The following FOXP1 variants were observed in gnomAD, a reference collection of about 807,000 sequenced individuals.
FOXP1 encodes the protein forkhead box protein P1.
In FOXP1, 15 loss-of-function variants were observed where a neutral mutation model predicts 98.2. The observed-to-expected ratio is 0.15, with a 90% CI of 0.10 to 0.24. The LOEUF (loss-of-function observed/expected upper bound fraction) is 0.24, where lower values mean the gene tolerates loss of function less well. Ranked by LOEUF, FOXP1 falls within the 10% of genes least tolerant of loss-of-function variation. The pLI is 1.00. For missense variants in FOXP1, 633 were observed against 848.5 expected (o/e 0.75, Z 3.15); for synonymous variants, 371 against 314.5 (o/e 1.18, Z -1.90).
At chr3:71,052,704 G>A in intron 8 of FOXP1, 78 bp from the exon 9 acceptor site, 1 of 831,572 alleles carries the variant, frequency 1.2e-6, no homozygotes. Flanking sequence ...TACACAAACT[G>A]TGATTTGAAA....
intron 5 of FOXP1, among the ~76,000 whole-genome samples, chr3:71,262,687 C>T (rs1390576208): frequency 1.3e-5 from 2 of 152,170 alleles, no homozygotes. Flanking sequence ...CCGTATTTAC[C>T]CAGCTCATCT....
At chr3:71,188,152 A>G (rs2062755173) in intron 6 of FOXP1, among the ~76,000 whole-genome samples, 1 of 152,160 alleles carries the variant, frequency 6.6e-6, no homozygotes, top group Admixed American at 6.5e-5. Flanking sequence ...AGCAAAAGAC[A>G]TTTTACGCAC....
intron 5 of FOXP1, among the ~76,000 whole-genome samples, chr3:71,213,448 T>A (rs1364780767): frequency 6.6e-6 from 1 of 152,158 alleles, no homozygotes; most frequent in East Asian, 1.9e-4. Flanking sequence ...CTGAAAGAGT[T>A]TTTTCAAAAT....
intron 6 of FOXP1, among the ~76,000 whole-genome samples, chr3:71,146,729 C>T (rs929883759): frequency 4.6e-5 from 7 of 152,148 alleles, no homozygotes; most frequent in East Asian, 1.9e-4. Context: ...GGACTGTGAA[C>T]GAGAGCATAA....
chr3:71,121,316 G>A (rs773956365), intron 6 of FOXP1, among the ~76,000 whole-genome samples: 8 of 147,664 alleles, frequency 5.4e-5, no homozygotes, highest in Non-Finnish European at 8.9e-5. Flanking sequence ...TGAAAGGCAC[G>A]TACAGGATAC....
chr3:71,019,075 T>TG (rs2044990104), intron 11 of FOXP1, among the ~76,000 whole-genome samples: 2 of 152,176 alleles, frequency 1.3e-5, no homozygotes, highest in Admixed American at 1.3e-4. Flanking sequence ...CACCTCTGAA[T>TG]GGGAGCTTTT....
chr3:71,088,938 T>A (rs765546170), intron 7 of FOXP1, among the ~76,000 whole-genome samples: 3 of 152,124 alleles, frequency 2.0e-5, no homozygotes, highest in Non-Finnish European at 4.4e-5. Context: ...CTTTGGCCAA[T>A]GACCTTACGC....
Position 70,954,994 on chromosome 3 carries a change from G to A in FOXP1, c.*4253C>T, listed in dbSNP as rs1325127082. 3.0e-5 allele frequency: 7 copies of A among 232,328 alleles called. No individual in the cohort carries two copies. Among genetic ancestry groups the A allele is most frequent in the African/African-American group, 8.8e-5 (4 of 45,266 alleles). 14.4% of individuals were successfully genotyped at this position (232,328 alleles called of 1,614,324 possible). On this transcript the variant is annotated 3_prime_UTR_variant, in exon 21 of 21. Coordinates refer to ENST00000649528, the MANE Select transcript of FOXP1 (RefSeq NM_001349338.3). Reference sequence around the variant, plus strand: ...AAGGCTTATGGGTAGCAGAGATTGCGTGAGCTACACTGGGCCCAAGAAATG... The same window carrying A: ...AAGGCTTATGGGTAGCAGAGATTGCATGAGCTACACTGGGCCCAAGAAATG...
intron 6 of FOXP1, among the ~76,000 whole-genome samples, chr3:71,175,534 G>C (rs1419140113): frequency 6.6e-6 from 1 of 152,202 alleles, no homozygotes; most frequent in African/African-American, 2.4e-5. Flanking sequence ...AGGTGAGAGA[G>C]AGATAAAGAC....
chr3:71,015,507 T>C (rs1234367113), intron 12 of FOXP1, 42 bp downstream of exon 12: 2 of 1,361,632 alleles, frequency 1.5e-6, no homozygotes, highest in East Asian at 2.3e-5. Context: ...GTGGGAGGTG[T>C]TGGCTATGTA....
chr3:71,540,850 T>C (rs2044749388), intron 2 of FOXP1, among the ~76,000 whole-genome samples: 1 of 152,242 alleles, frequency 6.6e-6, no homozygotes. Context: ...GTGGTGAATA[T>C]GTTTAGTTAC....
chr3:71,167,822 A>C (rs2061462864), intron 6 of FOXP1, among the ~76,000 whole-genome samples: 1 of 152,210 alleles, frequency 6.6e-6, no homozygotes. Flanking sequence ...AGAGAAACTG[A>C]AAAATTAATC....
intron 14 of FOXP1, among the ~76,000 whole-genome samples, chr3:70,985,269 C>T (rs985084019): frequency 5.9e-5 from 9 of 152,160 alleles, no homozygotes; most frequent in Admixed American, 1.3e-4. Flanking sequence ...TTATTTAGGG[C>T]GGAATAAATT....
intron 5 of FOXP1, among the ~76,000 whole-genome samples, chr3:71,298,392 G>A (rs2073534530): frequency 6.6e-6 from 1 of 152,132 alleles, no homozygotes; most frequent in African/African-American, 2.4e-5. Flanking sequence ...TTGAACCCGG[G>A]AGGCAGAGGT....
Position 70,957,154 on chromosome 3 carries a change from AT to A in FOXP1, c.*2092del, listed in dbSNP as rs573886345. On this transcript the variant is annotated 3_prime_UTR_variant, in exon 21 of 21. Transcript: ENST00000649528. The stretch of plus-strand genomic sequence containing the variant: ...ACTCTAATTGCAGTGGCATACATTC[AT>A]TTTTTTTTTGAGATGGGACTCCCTT... 1.6e-3 allele frequency: 343 copies of A among 211,182 alleles called. No individual in the cohort carries two copies. The highest frequency in any genetic ancestry group is 2.6e-3 in the East Asian group (36 of 13,888). The allele number at this position is 211,182 out of a possible 1,614,324, so 13.1% of individuals were successfully genotyped here.
Position 71,281,096 on chromosome 3 carries a change from G to A in FOXP1, c.-12+18724C>T, listed in dbSNP as rs188222467. On this transcript the variant is annotated intron_variant, in intron 5 of 20. Coordinates refer to ENST00000649528, the MANE Select transcript of FOXP1 (RefSeq NM_001349338.3). Reference sequence around the variant, plus strand: ...GAAGAAAAAGTAGCCAGGCGTCGTGGTGCATGCCTGTAGTCCTAGCTACTC... The same window carrying A: ...GAAGAAAAAGTAGCCAGGCGTCGTGATGCATGCCTGTAGTCCTAGCTACTC... Among the ~76,000 whole-genome samples, 69 of 151,016 alleles carry A rather than the reference G, an allele frequency of 4.6e-4. No homozygotes were observed. The East Asian group carries it at 0.012, about 27-fold the overall frequency.
At chr3:71,295,170 T>C (rs1240818110) in intron 5 of FOXP1, among the ~76,000 whole-genome samples, 2 of 152,134 alleles carry the variant, frequency 1.3e-5, no homozygotes, top group Non-Finnish European at 2.9e-5. Flanking sequence ...GCCAATGCGG[T>C]CATCTGGTAA....
chr3:71,187,135 G>C (rs758591686), intron 6 of FOXP1, among the ~76,000 whole-genome samples: 110 of 152,356 alleles, frequency 7.2e-4, no homozygotes, highest in Non-Finnish European at 1.2e-3. Context: ...CTCAAAGAAG[G>C]TACTGAATGA....
Position 71,108,728 on chromosome 3 carries a change from G to A in FOXP1, c.282+3808C>T, listed in dbSNP as rs984990930. Reference sequence around the variant, plus strand: ...TGCAGTGAGCCGAGATCGCTCCACTGCACTCCAGCCTGGATGAAAGAGCAA... The same window carrying A: ...TGCAGTGAGCCGAGATCGCTCCACTACACTCCAGCCTGGATGAAAGAGCAA... On this transcript the variant is annotated intron_variant, in intron 7 of 20. Transcript: ENST00000649528. 2.4e-4 allele frequency among the ~76,000 whole-genome samples: 37 copies of A among 152,116 alleles called. 1 individual carries two copies. The highest frequency in any genetic ancestry group is 4.4e-5 in the Non-Finnish European group (3 of 68,038).
Sources: gnomAD v4.1 joint callset for allele counts (sites outside exome capture counted in the v4.1 genomes callset) on GRCh38, gnomAD v4.1.1 for gene constraint, MANE v1.5 for transcripts, NCBI Gene and HGNC (gene_info 2026-07-23, HGNC 2026-07-21) for gene names.